The following TLN2 variants were observed in gnomAD, a reference collection of about 807,000 sequenced individuals.
TLN2 encodes talin-2.
A neutral mutation model predicts 294.7 loss-of-function variants in TLN2; 118 were observed. That is an observed-to-expected ratio of 0.40 (90% CI 0.34 to 0.47). The LOEUF (loss-of-function observed/expected upper bound fraction) is 0.47, where lower values mean the gene tolerates loss of function less well. Ranked by LOEUF, TLN2 falls within the 20% of genes least tolerant of loss-of-function variation. The pLI is 0.84. For synonymous variants in TLN2, 1,431 were observed against 1,304.5 expected (o/e 1.10, Z -2.09); for missense variants, 3,083 against 3,282.2 (o/e 0.94, Z 1.48).
intron 1 of TLN2, among the ~76,000 whole-genome samples, chr15:62,522,054 GC>G (rs1485186222): frequency 6.6e-6 from 1 of 152,078 alleles, no homozygotes; most frequent in African/African-American, 2.4e-5. Context: ...TCCCATCATG[GC>G]CAGAAATTCA....
chr15:62,576,914 T>A lies in TLN2; in HGVS notation c.-237-12773T>A, dbSNP rs554044084. 8.8e-4 allele frequency among the ~76,000 whole-genome samples: 134 copies of A among 152,176 alleles called. 1 individual carries two copies. Among genetic ancestry groups the A allele is most frequent in the African/African-American group, 3.1e-3 (129 of 41,530 alleles). On this transcript the variant is annotated intron_variant, in intron 1 of 58. Transcript: ENST00000636159. The stretch of plus-strand genomic sequence containing the variant: ...TAGGCGAGTGGAGTAGGATTCCTTA[T>A]GTCCTGGTTTTAGCCCCAGGGAGTG...
chr15:62,798,203 C>T (rs1053431698), intron 48 of TLN2, among the ~76,000 whole-genome samples: 2 of 152,106 alleles, frequency 1.3e-5, no homozygotes, highest in Admixed American at 6.5e-5. Flanking sequence ...GAACTCAGCA[C>T]CTGTAGATGG....
chr15:62,762,504 G>C, intron 39 of TLN2, 51 bp downstream of exon 39: 1 of 1,596,268 alleles, frequency 6.3e-7, no homozygotes, highest in Non-Finnish European at 8.6e-7. Flanking sequence ...AGCGGGGAAG[G>C]AGGAGGATAA....
chr15:62,798,763 C>T (rs1471229160), intron 48 of TLN2, among the ~76,000 whole-genome samples: 2 of 152,230 alleles, frequency 1.3e-5, no homozygotes, highest in African/African-American at 4.8e-5. Context: ...ATGACACTTC[C>T]CTCCCTGACA....
intron 1 of TLN2, among the ~76,000 whole-genome samples, chr15:62,543,863 C>G (rs908602101): frequency 6.6e-6 from 1 of 151,688 alleles, no homozygotes; most frequent in Non-Finnish European, 1.5e-5. Flanking sequence ...CTGTGTTAAA[C>G]TGTGTTCAGG....
chr15:62,532,692 G>T (rs1388137616), intron 1 of TLN2, among the ~76,000 whole-genome samples: 1 of 152,128 alleles, frequency 6.6e-6, no homozygotes, highest in African/African-American at 2.4e-5. Context: ...TGTTTGTTTG[G>T]TTTTTGTGAA....
At chr15:62,539,278 T>C (rs1418380288) in intron 1 of TLN2, among the ~76,000 whole-genome samples, 2 of 152,202 alleles carry the variant, frequency 1.3e-5, no homozygotes, top group African/African-American at 4.8e-5. Context: ...GAGAAGGTTG[T>C]CCTGTTACAG....
Position 62,692,929 on chromosome 15 carries a change from C to T in TLN2, c.1203C>T (p.Ile401=), listed in dbSNP as rs769849782. The change falls in exon 13 of 59, where the codon ATC becomes ATT. Residue 401 remains isoleucine, a synonymous_variant. Coordinates refer to ENST00000636159, the MANE Select transcript of TLN2 (RefSeq NM_015059.3). ...AGCTGATTGCAGGCTACATTGACATCATCCTGAAAAAGGTATTTTGTATTG... is the reference window on the plus strand; with the variant it reads ...AGCTGATTGCAGGCTACATTGACATTATCCTGAAAAAGGTATTTTGTATTG... ...ISQLIAGYID[I]ILKKKQSKDR... 1.2e-6 allele frequency: 2 copies of T among 1,610,950 alleles called. No individual in the cohort carries two copies. Among genetic ancestry groups the T allele is most frequent in the African/African-American group, 1.3e-5 (1 of 74,764 alleles).
At chr15:62,751,185 A>C (rs1396565599) in intron 34 of TLN2, among the ~76,000 whole-genome samples, 2 of 152,232 alleles carry the variant, frequency 1.3e-5, no homozygotes, top group East Asian at 3.8e-4. Flanking sequence ...TGTAGTAATC[A>C]TACCAATGTC....
chr15:62,573,608 A>G (rs561698188), intron 1 of TLN2, among the ~76,000 whole-genome samples: 29 of 152,020 alleles, frequency 1.9e-4, no homozygotes, highest in African/African-American at 6.8e-4. Flanking sequence ...CTCCCTGGCC[A>G]TGTTCCAGCC....
intron 1 of TLN2, among the ~76,000 whole-genome samples, chr15:62,496,852 A>G (rs1449585066): frequency 6.6e-6 from 1 of 152,188 alleles, no homozygotes; most frequent in Non-Finnish European, 1.5e-5. Context: ...CATTCATTTA[A>G]ATATACTTAA....
chr15:62,836,495 GCAC>G (rs2069614497), intron 57 of TLN2, among the ~76,000 whole-genome samples: 2 of 152,196 alleles, frequency 1.3e-5, no homozygotes, highest in South Asian at 4.1e-4. Context: ...TTAGATGCAG[GCAC>G]CACATCTTCA....
intron 2 of TLN2, among the ~76,000 whole-genome samples, chr15:62,614,357 C>T (rs1164864782): frequency 2.0e-5 from 3 of 152,156 alleles, no homozygotes; most frequent in African/African-American, 4.8e-5. Context: ...TGATCAAATC[C>T]TCTGTGGCAG....
chr15:62,710,100 A>T (rs8042150), intron 21 of TLN2, among the ~76,000 whole-genome samples: 144,110 of 152,278 alleles, frequency 0.95, 68,641 homozygotes, highest in Non-Finnish European at 1. Context: ...CTATTTTTTG[A>T]AGGTATCATA....
chr15:62,391,495 T>C (rs566825639), intron 1 of TLN2, among the ~76,000 whole-genome samples: 3 of 152,292 alleles, frequency 2.0e-5, no homozygotes, highest in Admixed American at 1.3e-4. Flanking sequence ...TCGGGATCCC[T>C]GAGGGGACCG....
chr15:62,488,175 A>C (rs1204397125), intron 1 of TLN2, among the ~76,000 whole-genome samples: 2 of 152,248 alleles, frequency 1.3e-5, no homozygotes, highest in Non-Finnish European at 2.9e-5. Flanking sequence ...TTGTAAAGTG[A>C]AATAGGATAA....
At chr15:62,589,415 A>G (rs553891785) in intron 1 of TLN2, among the ~76,000 whole-genome samples, 9 of 152,306 alleles carry the variant, frequency 5.9e-5, no homozygotes, top group African/African-American at 2.2e-4. Context: ...TTTAAATTCA[A>G]AGCCATTAAA....
Position 62,598,122 on chromosome 15 carries a change from C to A in TLN2, c.-162+8360C>A, listed in dbSNP as rs537992406. On this transcript the variant is annotated intron_variant, in intron 2 of 58. Transcript: ENST00000636159. ...GTCTTAGGCACCTACATCCTTGAAG[C>A]CTGGTGTCTCTTGAAATTCTCACAC... Among the ~76,000 whole-genome samples the A allele has an allele frequency of 6.0e-4, 92 of 152,260 alleles. 1 individual carries two copies. The highest frequency in any genetic ancestry group is 2.1e-3 in the African/African-American group (88 of 41,546).
chr15:62,480,627 A>C (rs1201445481), intron 1 of TLN2, among the ~76,000 whole-genome samples: 1 of 152,260 alleles, frequency 6.6e-6, no homozygotes, highest in African/African-American at 2.4e-5. Flanking sequence ...ATTTATAAAA[A>C]GGGAAACAGC....
Sources: gnomAD v4.1 joint callset for allele counts (sites outside exome capture counted in the v4.1 genomes callset) on GRCh38, gnomAD v4.1.1 for gene constraint, MANE v1.5 for transcripts, NCBI Gene and HGNC (gene_info 2026-07-23, HGNC 2026-07-21) for gene names.